Variants in PTPRG observed in about 807,000 individuals in gnomAD.
The protein encoded by PTPRG is receptor-type tyrosine-protein phosphatase gamma.
In PTPRG, 102 loss-of-function variants were observed where a neutral mutation model predicts 165.3. The ratio of observed to expected loss-of-function variants is 0.62; its 90% CI spans 0.53 to 0.73. The LOEUF (loss-of-function observed/expected upper bound fraction) is 0.73. Ranked by LOEUF, PTPRG falls within the 30% of genes least tolerant of loss-of-function variation. The pLI is 0.00. For missense variants in PTPRG, 1,866 were observed against 1,861.4 expected (o/e 1.00, Z -0.05); for synonymous variants, 675 against 669.5 (o/e 1.01, Z -0.13).
intron 4 of PTPRG, among the ~76,000 whole-genome samples, chr3:62,067,460 G>A (rs183025594): frequency 4.0e-4 from 61 of 152,200 alleles, no homozygotes; most frequent in Non-Finnish European, 7.5e-4. Flanking sequence ...CCATGGTGGC[G>A]ATGGTTTCAG....
At chr3:61,795,540 C>G (rs764824236) in intron 2 of PTPRG, among the ~76,000 whole-genome samples, 1 of 145,986 alleles carries the variant, frequency 6.8e-6, no homozygotes, top group African/African-American at 2.5e-5. Flanking sequence ...TTGAGGAGGC[C>G]GAGACAGGAG....
chr3:61,936,044 C>T (rs565179304), intron 2 of PTPRG, among the ~76,000 whole-genome samples: 2 of 152,118 alleles, frequency 1.3e-5, no homozygotes, highest in Non-Finnish European at 2.9e-5. Context: ...TGCTGTCTTG[C>T]CCTTCTATTC....
chr3:62,124,288 G>C lies in PTPRG; in HGVS notation c.616-8314G>C. ...GCAAGGACAGGATGCTGATGTCCGT[G>C]TTGAGGGTGGTCAGCGGCATCCTGG... On this transcript the variant is annotated intron_variant, in intron 5 of 29. Coordinates refer to ENST00000474889, the MANE Select transcript of PTPRG (RefSeq NM_002841.4). 1.9e-6 allele frequency: 3 copies of C among 1,574,398 alleles called. No homozygotes were observed. The South Asian group carries it at 3.3e-5, about 17-fold the overall frequency.
At position 61,946,359 on chromosome 3, in the gene PTPRG, G is replaced by C. The variant is rs1479182500; in HGVS notation, c.191-43266G>C. Among the ~76,000 whole-genome samples, 3 of 152,344 alleles carry C rather than the reference G, an allele frequency of 2.0e-5. No individual in the cohort carries two copies. The East Asian group carries it at 5.8e-4, about 29-fold the overall frequency. ...TGTTAATTCCTGCCATGCCTGTGAGGTTTGAAGCTGGGAACAGAGAAGGAT... is the reference window on the plus strand; with the variant it reads ...TGTTAATTCCTGCCATGCCTGTGAGCTTTGAAGCTGGGAACAGAGAAGGAT... On this transcript the variant is annotated intron_variant, in intron 2 of 29. Coordinates refer to ENST00000474889, the MANE Select transcript of PTPRG (RefSeq NM_002841.4).
intron 2 of PTPRG, among the ~76,000 whole-genome samples, chr3:61,938,553 C>T (rs1419620094): frequency 6.6e-6 from 1 of 152,158 alleles, no homozygotes; most frequent in East Asian, 1.9e-4. Flanking sequence ...ATGAATATCC[C>T]CGTGTTTGAC....
chr3:61,631,349 A>G (rs1256109557), intron 1 of PTPRG, among the ~76,000 whole-genome samples: 4 of 152,232 alleles, frequency 2.6e-5, no homozygotes, highest in Non-Finnish European at 5.9e-5. Flanking sequence ...CATTCTGAAA[A>G]TAGGTGAATA....
chr3:61,644,010 C>T (rs1323040990), intron 1 of PTPRG, among the ~76,000 whole-genome samples: 1 of 152,128 alleles, frequency 6.6e-6, no homozygotes, highest in Non-Finnish European at 1.5e-5. Context: ...TACACAGCCC[C>T]TACCCTAACA....
chr3:61,686,560 GTACT>G (rs1367584847), intron 1 of PTPRG, among the ~76,000 whole-genome samples: 1 of 152,198 alleles, frequency 6.6e-6, no homozygotes, highest in Non-Finnish European at 1.5e-5. Context: ...CCCCACAGAT[GTACT>G]TGGCCACAGT....
At chr3:62,155,284 G>A (rs781399394) in intron 6 of PTPRG, among the ~76,000 whole-genome samples, 11 of 152,144 alleles carry the variant, frequency 7.2e-5, no homozygotes, top group South Asian at 2.1e-4. Flanking sequence ...CTGTTACTTC[G>A]CTGTTCACCA....
chr3:62,097,381 A>G (rs536615945), intron 5 of PTPRG, among the ~76,000 whole-genome samples: 1 of 152,318 alleles, frequency 6.6e-6, no homozygotes, highest in African/African-American at 2.4e-5. Flanking sequence ...TAAGTCCCAC[A>G]ACAGCACCGA....
At chr3:62,165,530 G>A (rs1704938461) in intron 7 of PTPRG, among the ~76,000 whole-genome samples, 2 of 152,134 alleles carry the variant, frequency 1.3e-5, no homozygotes, top group Admixed American at 1.3e-4. Flanking sequence ...AAATAAAGAA[G>A]GAATAGCAGA....
intron 1 of PTPRG, among the ~76,000 whole-genome samples, chr3:61,614,858 T>G (rs1265119663): frequency 6.6e-6 from 1 of 152,226 alleles, no homozygotes; most frequent in Admixed American, 6.5e-5. Flanking sequence ...AGCATCCTCA[T>G]TATTATGTCT....
At chr3:61,611,856 CTA>C (rs1425305286) in intron 1 of PTPRG, among the ~76,000 whole-genome samples, 1 of 152,200 alleles carries the variant, frequency 6.6e-6, no homozygotes, top group Non-Finnish European at 1.5e-5. Flanking sequence ...TTTTAAAAAA[CTA>C]TTTAAAAATA....
intron 2 of PTPRG, among the ~76,000 whole-genome samples, chr3:61,792,077 G>A (rs1358000171): frequency 6.6e-6 from 1 of 152,170 alleles, no homozygotes; most frequent in African/African-American, 2.4e-5. Context: ...TGTGACCTCA[G>A]AGTGTAGGAG....
intron 1 of PTPRG, among the ~76,000 whole-genome samples, chr3:61,666,836 A>G (rs770029151): frequency 3.3e-5 from 5 of 152,198 alleles, no homozygotes; most frequent in Admixed American, 6.5e-5. Flanking sequence ...GTTTCTGACC[A>G]CTGACAGAAG....
chr3:62,177,168 C>G (rs918769854), intron 8 of PTPRG, among the ~76,000 whole-genome samples: 1 of 151,938 alleles, frequency 6.6e-6, no homozygotes, highest in African/African-American at 2.4e-5. Flanking sequence ...CCTGTAGTCC[C>G]TAAGCTACTC....
At chr3:61,884,277 G>A (rs978026368) in intron 2 of PTPRG, among the ~76,000 whole-genome samples, 1 of 152,214 alleles carries the variant, frequency 6.6e-6, no homozygotes, top group Non-Finnish European at 1.5e-5. Context: ...TTGGGTTAAA[G>A]TTAGTGTGCT....
At chr3:61,595,184 TG>T (rs80266451) in intron 1 of PTPRG, among the ~76,000 whole-genome samples, 4,552 of 150,332 alleles carry the variant, frequency 0.03, 174 homozygotes, top group African/African-American at 0.083. Flanking sequence ...AAGATGTGTT[TG>T]TTTTTTTTTT....
intron 2 of PTPRG, among the ~76,000 whole-genome samples, chr3:61,823,840 G>A (rs1297075060): frequency 1.3e-5 from 2 of 152,072 alleles, no homozygotes; most frequent in South Asian, 2.1e-4. Flanking sequence ...TATAAATGAT[G>A]ATGAAGCTGG....
Sources: allele counts gnomAD v4.1 joint callset (sites outside exome capture counted in the v4.1 genomes callset), GRCh38; gene constraint gnomAD v4.1.1; transcripts MANE v1.5; gene names NCBI Gene and HGNC (gene_info 2026-07-23, HGNC 2026-07-21).